Variants in UNC5B observed in about 807,000 individuals in gnomAD.
UNC5B encodes the protein netrin receptor UNC5B.
Under a neutral mutation model 103.7 loss-of-function variants are expected in UNC5B, and 56 were observed. The ratio of observed to expected loss-of-function variants is 0.54; its 90% CI spans 0.44 to 0.67. The LOEUF is 0.67. UNC5B is among the 30% of genes least tolerant of loss of function. The pLI is 0.00. For synonymous variants in UNC5B, 577 were observed against 542.0 expected (o/e 1.06, Z -0.90); for missense variants, 1,194 against 1,284.5 (o/e 0.93, Z 1.08).
Position 71,279,893 on chromosome 10 carries a change from T to G in UNC5B, c.152T>G (p.Leu51Arg), listed in dbSNP as rs530303058. Residue 51 changes from leucine to arginine, a missense_variant, in exon 2 of 17, where the codon CTG (leucine) becomes CGG (arginine). Leu to Arg is a moderately radical substitution (Grantham distance 102). Transcript: ENST00000335350. Reference sequence around the variant, plus strand: ...CCAGCAGAGCCGCTGCCCTACTTCCTGCAGGAGCCACAGGACGCCTACATT... The same window carrying G: ...CCAGCAGAGCCGCTGCCCTACTTCCGGCAGGAGCCACAGGACGCCTACATT... ...SAPAEPLPYFLQEPQDAYIVK... is the reference protein window; with the variant it reads ...SAPAEPLPYFRQEPQDAYIVK... 1.9e-6 allele frequency: 3 copies of G among 1,613,958 alleles called. No individual in the cohort carries two copies. The South Asian group carries it at 3.3e-5, about 18-fold the overall frequency.
chr10:71,250,731 G>A (rs117716665), intron 1 of UNC5B, among the ~76,000 whole-genome samples: 392 of 152,338 alleles, frequency 2.6e-3, no homozygotes, highest in Non-Finnish European at 4.8e-3. Flanking sequence ...TTGTTGCTGC[G>A]CTGCAGTGGT....
At chr10:71,224,758 G>C (rs985914838) in intron 1 of UNC5B, among the ~76,000 whole-genome samples, 1 of 152,184 alleles carries the variant, frequency 6.6e-6, no homozygotes, top group Non-Finnish European at 1.5e-5. Context: ...CCACCCAGAA[G>C]GAAATCCACA....
intron 4 of UNC5B, 42 bp from the exon 5 acceptor site, chr10:71,286,647 C>T: frequency 1.2e-6 from 2 of 1,609,102 alleles, no homozygotes; most frequent in Non-Finnish European, 1.7e-6. Context: ...ATGATCAAAC[C>T]TGTCCTGGGC....
Position 71,288,836 on chromosome 10 carries a change from A to G in UNC5B, c.1066+104A>G, listed in dbSNP as rs918306054. On this transcript the variant is annotated intron_variant, in intron 7 of 16. Coordinates refer to ENST00000335350, the MANE Select transcript of UNC5B (RefSeq NM_170744.5). ...CTCAGTGCCCAGCCTGCAGCACGGC[A>G]GTCCTCAGGGCCTCTGTCCCCCCAC... 154 of 1,552,446 alleles carry G rather than the reference A, an allele frequency of 9.9e-5. No homozygotes were observed. The African/African-American group carries it at 2.0e-3, about 20-fold the overall frequency.
At chr10:71,265,421 C>G (rs1435939226) in intron 1 of UNC5B, among the ~76,000 whole-genome samples, 1 of 152,142 alleles carries the variant, frequency 6.6e-6, no homozygotes, top group Non-Finnish European at 1.5e-5. Flanking sequence ...CCTGGCCTGC[C>G]CTGTCTAGCA....
intron 1 of UNC5B, among the ~76,000 whole-genome samples, chr10:71,215,463 C>T (rs910123564): frequency 6.6e-6 from 1 of 152,164 alleles, no homozygotes; most frequent in African/African-American, 2.4e-5. Context: ...CTCCTTTTCC[C>T]CACCCCACCC....
chr10:71,276,797 A>G (rs933579429), intron 1 of UNC5B, among the ~76,000 whole-genome samples: 6 of 152,234 alleles, frequency 3.9e-5, no homozygotes, highest in African/African-American at 1.2e-4. Context: ...GAGTCCACTC[A>G]TGGTCCCTCC....
chr10:71,276,456 C>T (rs1844774043), intron 1 of UNC5B, among the ~76,000 whole-genome samples: 2 of 152,226 alleles, frequency 1.3e-5, no homozygotes, highest in East Asian at 1.9e-4. Context: ...GTTTTGGAAA[C>T]AGAGTCTCAC....
In UNC5B at chr10:71,300,207, AT is replaced by A. The variant is rs1845556921; in HGVS notation, c.*933del. 6.6e-6 allele frequency: 1 copy of A among 152,168 alleles called. No homozygotes were observed. The highest frequency in any genetic ancestry group is 1.5e-5 in the Non-Finnish European group (1 of 68,034). The allele number at this position is 152,168 out of a possible 1,614,324, so 9.4% of individuals were successfully genotyped here. On this transcript the variant is annotated 3_prime_UTR_variant, in exon 17 of 17. Coordinates refer to ENST00000335350, the MANE Select transcript of UNC5B (RefSeq NM_170744.5). ...GTCAGACAGGGTTTTCACTGTCTAG[AT>A]TTAGCTGGTTAGATTTTCCTCTAAA... is the stretch of plus-strand genomic sequence containing the variant.
At chr10:71,295,541 A>AT (rs1333830290) in intron 13 of UNC5B, among the ~76,000 whole-genome samples, 1 of 152,268 alleles carries the variant, frequency 6.6e-6, no homozygotes, top group South Asian at 2.1e-4. Context: ...CTTTCTAGCC[A>AT]TCAATCCGTT....
intron 6 of UNC5B, 124 bp downstream of exon 6, chr10:71,287,889 C>T: frequency 3.8e-6 from 5 of 1,331,880 alleles, no homozygotes; most frequent in Non-Finnish European, 5.0e-6. Context: ...GTCCCGAGCC[C>T]ACAGCCGGCT....
chr10:71,279,323 C>T (rs1056118892), intron 1 of UNC5B, among the ~76,000 whole-genome samples: 3 of 152,208 alleles, frequency 2.0e-5, no homozygotes, highest in Admixed American at 6.5e-5. Flanking sequence ...GCTCCTGTCC[C>T]GCTTGCCAGC....
intron 1 of UNC5B, among the ~76,000 whole-genome samples, chr10:71,264,942 T>C (rs1844490883): frequency 7.1e-6 from 1 of 141,714 alleles, no homozygotes; most frequent in Admixed American, 7.4e-5. Flanking sequence ...GGGACCAGCC[T>C]GGGCAACATA....
intron 1 of UNC5B, among the ~76,000 whole-genome samples, chr10:71,237,025 G>A (rs5025365): frequency 0.39 from 58,687 of 151,598 alleles, 11,722 homozygotes; most frequent in East Asian, 0.53. Flanking sequence ...GGTGTAGATG[G>A]GGGCTCCAGG....
chr10:71,288,975 G>C lies in UNC5B; in HGVS notation c.1084G>C (p.Asp362His). The C allele has an allele frequency of 6.2e-7, 1 of 1,613,884 alleles. No individual in the cohort carries two copies. Among genetic ancestry groups the C allele is most frequent in the Non-Finnish European group, 8.5e-7 (1 of 1,179,988 alleles). ...CTTGACAGATAAGAAAACTCTAAGC[G>C]ACCCCAACAGCCACCGTAAGTCCCA... Reference protein sequence around the residue: ...LCMQNKKTLSDPNSHLLEASG... With the variant: ...LCMQNKKTLSHPNSHLLEASG... The change falls in exon 8 of 17, where the codon GAC becomes CAC. Residue 362 changes from aspartate to histidine, a missense_variant. Physicochemically the swap from Asp to His is moderately conservative, Grantham distance 81. Transcript: ENST00000335350.
intron 1 of UNC5B, among the ~76,000 whole-genome samples, chr10:71,246,492 G>A (rs1844041126): frequency 1.3e-5 from 2 of 152,084 alleles, no homozygotes; most frequent in Non-Finnish European, 1.5e-5. Flanking sequence ...CAGGGACCAA[G>A]CTGTGGGTCA....
At chr10:71,278,565 G>A (rs1844828703) in intron 1 of UNC5B, among the ~76,000 whole-genome samples, 1 of 152,246 alleles carries the variant, frequency 6.6e-6, no homozygotes, top group Non-Finnish European at 1.5e-5. Flanking sequence ...TCCACAAAGA[G>A]AAAGCATAGT....
At chr10:71,268,654 G>A (rs897516812) in intron 1 of UNC5B, among the ~76,000 whole-genome samples, 2 of 152,356 alleles carry the variant, frequency 1.3e-5, no homozygotes, top group East Asian at 3.9e-4. Flanking sequence ...GCGAGGAAGG[G>A]TTGTTCGGTT....
At chr10:71,283,891 A>G (rs980784979) in intron 2 of UNC5B, among the ~76,000 whole-genome samples, 3 of 152,122 alleles carry the variant, frequency 2.0e-5, no homozygotes, top group African/African-American at 7.2e-5. Flanking sequence ...CTGAGTAGTG[A>G]CCAGGGAGAG....
Sources: allele counts gnomAD v4.1 joint callset (sites outside exome capture counted in the v4.1 genomes callset), GRCh38; gene constraint gnomAD v4.1.1; transcripts MANE v1.5; gene names NCBI Gene and HGNC (gene_info 2026-07-23, HGNC 2026-07-21).